THSD4: variants seen among roughly 807,000 people sequenced by gnomAD.
The protein encoded by THSD4 is thrombospondin type 1 domain containing 4.
Under a neutral mutation model 119.0 loss-of-function variants are expected in THSD4, and 69 were observed. That is an observed-to-expected ratio of 0.58 (90% CI 0.48 to 0.71). THSD4 has a LOEUF of 0.71. THSD4 is among the 30% of genes least tolerant of loss of function. THSD4 has a pLI of 0.00. For synonymous variants in THSD4, 524 were observed against 540.4 expected (o/e 0.97, Z 0.42); for missense variants, 1,393 against 1,391.1 (o/e 1.00, Z -0.02).
chr15:71,616,144 C>T (rs1377853435), intron 7 of THSD4, among the ~76,000 whole-genome samples: 3 of 151,924 alleles, frequency 2.0e-5, no homozygotes, highest in Admixed American at 2.0e-4. Flanking sequence ...CACATCTAAG[C>T]TTGATGGCAG....
At chr15:71,195,080 T>C (rs750493260) in intron 3 of THSD4, among the ~76,000 whole-genome samples, 4 of 152,124 alleles carry the variant, frequency 2.6e-5, no homozygotes, top group Non-Finnish European at 5.9e-5. Flanking sequence ...TCCACTACTT[T>C]TATGGGCAAG....
chr15:71,575,271 C>T (rs1353090394), intron 7 of THSD4, among the ~76,000 whole-genome samples: 1 of 152,142 alleles, frequency 6.6e-6, no homozygotes, highest in African/African-American at 2.4e-5. Context: ...TGATCTACCA[C>T]CAGCAAATAC....
intron 7 of THSD4, among the ~76,000 whole-genome samples, chr15:71,590,896 C>A (rs1275465256): frequency 6.6e-6 from 1 of 150,698 alleles, no homozygotes; most frequent in South Asian, 2.1e-4. Flanking sequence ...GTCCCAGCTA[C>A]TCAGGAGGCT....
chr15:71,361,472 T>C (rs2045890960), intron 6 of THSD4, among the ~76,000 whole-genome samples: 1 of 152,186 alleles, frequency 6.6e-6, no homozygotes, highest in Non-Finnish European at 1.5e-5. Context: ...TTGTCACCCC[T>C]CAGAGTGGCA....
Position 71,518,715 on chromosome 15 carries a change from G to A in THSD4, c.1152+106892G>A, listed in dbSNP as rs148731872. Among the ~76,000 whole-genome samples the A allele has an allele frequency of 7.9e-5, 12 of 152,224 alleles. No individual in the cohort carries two copies. The East Asian group carries it at 1.4e-3, about 17-fold the overall frequency. On this transcript the variant is annotated intron_variant, in intron 7 of 17. Coordinates refer to ENST00000261862, the MANE Select transcript of THSD4 (RefSeq NM_024817.3). ...GGAGGAATTTGAGTCTCAGAGAGGCGAATAATTTCTCAAAGGCAACACAGT... is the reference window on the plus strand; with the variant it reads ...GGAGGAATTTGAGTCTCAGAGAGGCAAATAATTTCTCAAAGGCAACACAGT...
At chr15:71,121,658 A>T (rs1223046191) in intron 1 of THSD4, among the ~76,000 whole-genome samples, 1 of 151,966 alleles carries the variant, frequency 6.6e-6, no homozygotes, top group Non-Finnish European at 1.5e-5. Context: ...CTGGGCTGTG[A>T]CATCTGTTGG....
At position 71,765,060 on chromosome 15, in the gene THSD4, T is replaced by C; in HGVS notation, c.2630T>C (p.Val877Ala). Residue 877 changes from valine to alanine, a missense_variant, in exon 16 of 18, where the codon GTG becomes GCG. Coordinates refer to ENST00000261862, the MANE Select transcript of THSD4 (RefSeq NM_024817.3). ...GGGAGCGGGACGCAACAGAGGGAGG[T>C]GATTTGTGTTAGAAAGAATGCAGAC... ...ECGSGTQQRE[V>A]ICVRKNADTF... The C allele has an allele frequency of 6.2e-7, 1 of 1,613,836 alleles. No homozygotes were observed. The highest frequency in any genetic ancestry group is 8.5e-7 in the Non-Finnish European group (1 of 1,179,982).
intron 6 of THSD4, among the ~76,000 whole-genome samples, chr15:71,272,625 G>T (rs1317009556): frequency 6.6e-6 from 1 of 152,066 alleles, no homozygotes; most frequent in Non-Finnish European, 1.5e-5. Context: ...GTGTTGGGAG[G>T]CCGAGGCAGG....
chr15:71,294,804 C>A (rs2044839975), intron 6 of THSD4, among the ~76,000 whole-genome samples: 1 of 151,848 alleles, frequency 6.6e-6, no homozygotes, highest in East Asian at 1.9e-4. Context: ...GGATGTTTTA[C>A]ATTCTCTTGG....
intron 8 of THSD4, among the ~76,000 whole-genome samples, chr15:71,670,667 G>A (rs1475105922): frequency 4.0e-5 from 6 of 149,698 alleles, no homozygotes; most frequent in South Asian, 4.2e-4. Flanking sequence ...CACACAACAC[G>A]CCCCGGTGTG....
intron 4 of THSD4, among the ~76,000 whole-genome samples, chr15:71,217,435 G>A (rs377043750): frequency 5.5e-4 from 83 of 152,056 alleles, no homozygotes; most frequent in African/African-American, 2.0e-3. Context: ...GGCTAAACGT[G>A]GTGAAACCCC....
intron 7 of THSD4, among the ~76,000 whole-genome samples, chr15:71,541,610 A>G (rs1053825195): frequency 6.6e-5 from 10 of 152,336 alleles, no homozygotes; most frequent in African/African-American, 2.2e-4. Context: ...GTTTCATATC[A>G]TTACATAGGA....
intron 8 of THSD4, among the ~76,000 whole-genome samples, chr15:71,723,573 A>T (rs1321762232): frequency 2.0e-5 from 3 of 152,228 alleles, no homozygotes; most frequent in Non-Finnish European, 4.4e-5. Flanking sequence ...ACTGTAATGG[A>T]GATGAAATCT....
chr15:71,619,035 T>C (rs1222446344), intron 7 of THSD4, among the ~76,000 whole-genome samples: 1 of 151,996 alleles, frequency 6.6e-6, no homozygotes, highest in African/African-American at 2.4e-5. Context: ...AGTGGCACAA[T>C]CTTGGCTCAC....
At chr15:71,354,996 A>G (rs1400573926) in intron 6 of THSD4, among the ~76,000 whole-genome samples, 8 of 152,362 alleles carry the variant, frequency 5.3e-5, no homozygotes, top group Admixed American at 2.6e-4. Flanking sequence ...TCTGAGGATT[A>G]TCCCTCCTAA....
intron 1 of THSD4, among the ~76,000 whole-genome samples, chr15:71,135,100 A>G (rs1169218091): frequency 6.9e-6 from 1 of 144,830 alleles, no homozygotes; most frequent in Non-Finnish European, 1.5e-5. Flanking sequence ...CATCATTCTC[A>G]GTAAACTATT....
At chr15:71,639,397 G>A (rs28523460) in intron 7 of THSD4, among the ~76,000 whole-genome samples, 3 of 152,238 alleles carry the variant, frequency 2.0e-5, no homozygotes, top group African/African-American at 7.2e-5. Flanking sequence ...GCCCCCATTT[G>A]CAATACAGGA....
chr15:71,456,224 A>C (rs1051314431), intron 7 of THSD4, among the ~76,000 whole-genome samples: 2 of 152,196 alleles, frequency 1.3e-5, no homozygotes, highest in African/African-American at 4.8e-5. Context: ...GCAGCACACC[A>C]TGTTTATTTA....
chr15:71,434,780 C>T (rs970806088), intron 7 of THSD4, among the ~76,000 whole-genome samples: 2 of 152,108 alleles, frequency 1.3e-5, no homozygotes, highest in African/African-American at 4.8e-5. Flanking sequence ...TAACCACAGA[C>T]CTTTCTTTTT....
Sources: gnomAD v4.1 joint callset for allele counts (sites outside exome capture counted in the v4.1 genomes callset) on GRCh38, gnomAD v4.1.1 for gene constraint, MANE v1.5 for transcripts, NCBI Gene and HGNC (gene_info 2026-07-23, HGNC 2026-07-21) for gene names.